The following CCDC181 variants were observed in gnomAD, a reference collection of about 807,000 sequenced individuals.
The protein encoded by CCDC181 is coiled-coil domain containing 181.
Under a neutral mutation model 58.7 loss-of-function variants are expected in CCDC181, and 35 were observed. The ratio of observed to expected loss-of-function variants is 0.60; its 90% CI spans 0.46 to 0.79. CCDC181 has a LOEUF of 0.79. CCDC181 is among the 30% of genes least tolerant of loss of function. The pLI, the probability that CCDC181 is intolerant of heterozygous loss-of-function variation, is 0.00. For synonymous variants in CCDC181, 183 were observed against 197.5 expected, an observed-to-expected ratio of 0.93 and a Z score of 0.62; for missense variants, 517 against 583.9, an observed-to-expected ratio of 0.89 and a Z score of 1.18.
upstream of CCDC181, among the ~76,000 whole-genome samples, chr1:169,428,676 G>A (rs1656813941): frequency 6.6e-6 from 1 of 152,032 alleles, no homozygotes; most frequent in Non-Finnish European, 1.5e-5. Context: ...TTGTTTTTGA[G>A]ACAGAGTCTC....
chr1:169,420,911 A>G (rs1656422981), intron 3 of CCDC181, among the ~76,000 whole-genome samples: 1 of 152,250 alleles, frequency 6.6e-6, no homozygotes, highest in Non-Finnish European at 1.5e-5. Flanking sequence ...CTGGAAATAA[A>G]AGAATTGTAA....
rs200027213 is a variant in CCDC181, at chr1:169,458,189, GT to G, written c.-24+1607del. Among the ~76,000 whole-genome samples, 169 of 74,472 alleles carry G rather than the reference GT, an allele frequency of 2.3e-3. 3 individuals carry two copies. The highest frequency in any genetic ancestry group is 6.9e-3 in the African/African-American group (159 of 23,068). 48.9% of individuals were successfully genotyped at this position (74,472 alleles called of 152,430 possible). On this transcript the variant is annotated intron_variant, in intron 2 of 6. Transcript: ENST00000545005. Reference sequence around the variant, plus strand: ...AAGTAATTTTTGTTTTTTTTTTTTTGTTTTGTTTTTTTTGCCATTTAAAAGT... The same window carrying G: ...AAGTAATTTTTGTTTTTTTTTTTTTGTTTGTTTTTTTTGCCATTTAAAAGT...
intron 4 of CCDC181, among the ~76,000 whole-genome samples, chr1:169,403,921 T>C (rs6660945): frequency 0.54 from 81,280 of 151,810 alleles, 22,593 homozygotes; most frequent in Non-Finnish European, 0.6. Context: ...CTACCAAGAC[T>C]AATAAAGAAG....
In CCDC181 at chr1:169,421,716, A is replaced by G; in HGVS notation, c.715T>C (p.Leu239=). Residue 239 remains leucine (L), a synonymous_variant, in exon 3 of 6, where the codon TTG becomes CTG. Coordinates refer to ENST00000367806, the MANE Select transcript of CCDC181 (RefSeq NM_001300969.2). ...NLQDIASQGF[L]PPINNANSTE... is the part of the protein sequence containing the mutation. ...CTATTTGCATTATTAATGGGAGGCA[A>G]AAACCCCTGACTGGCAATGTCTTGT... The G allele has an allele frequency of 6.2e-7, 1 of 1,614,064 alleles. No individual in the cohort carries two copies. The highest frequency in any genetic ancestry group is 1.1e-5 in the South Asian group (1 of 91,082).
intron 4 of CCDC181, among the ~76,000 whole-genome samples, chr1:169,399,955 AG>A (rs1277185690): frequency 1.3e-5 from 2 of 152,208 alleles, no homozygotes; most frequent in Admixed American, 1.3e-4. Flanking sequence ...TTTCCAGGGC[AG>A]GGTACTAGAA....
chr1:169,413,331 C>A (rs1296173003), intron 4 of CCDC181, among the ~76,000 whole-genome samples: 1 of 152,096 alleles, frequency 6.6e-6, no homozygotes, highest in Admixed American at 6.5e-5. Context: ...CCATCTCCCA[C>A]CAGTTAGAAT....
At chr1:169,424,974 T>C in intron 1 of CCDC181, 24 bp from the exon 2 acceptor site, 1 of 1,164,894 alleles carries the variant, frequency 8.6e-7, no homozygotes, top group South Asian at 1.3e-5. Context: ...AAAGATAAGG[T>C]ATATGTTATG....
In CCDC181 at chr1:169,394,921, AT is replaced by A; in HGVS notation, c.*125del. 1 of 876,768 alleles carries A rather than the reference AT, an allele frequency of 1.1e-6. No individual in the cohort carries two copies. The highest frequency in any genetic ancestry group is 1.6e-6 in the Non-Finnish European group (1 of 616,032). 54.3% of individuals were successfully genotyped at this position (876,768 alleles called of 1,614,324 possible). A position where few individuals can be genotyped will look rare whatever the true frequency, so the allele number is the denominator to read the frequency against. ...TTTTGTTCTAGTATTAAAAAAACAAATTCACTGTCAATAAAAGATAAATACC... is the reference window on the plus strand; with the variant it reads ...TTTTGTTCTAGTATTAAAAAAACAAATCACTGTCAATAAAAGATAAATACC... On this transcript the variant is annotated 3_prime_UTR_variant, in exon 6 of 6. Coordinates refer to ENST00000367806, the MANE Select transcript of CCDC181 (RefSeq NM_001300969.2).
rs1571450927 is a variant in CCDC181 at position 169,394,875 on chromosome 1, A to G, written c.*172T>C. 1.8e-6 allele frequency: 1 copy of G among 542,458 alleles called. No homozygotes were observed. Among genetic ancestry groups the G allele is most frequent in the East Asian group, 3.1e-5 (1 of 31,790 alleles). The allele number at this position is 542,458 out of a possible 1,614,324, so 33.6% of individuals were successfully genotyped here. A position where few individuals can be genotyped will look rare whatever the true frequency, so the allele number is the denominator to read the frequency against. The stretch of plus-strand genomic sequence containing the variant: ...CTAAGAGATGGCACAACACATTACA[A>G]CACTGTGAGAAAAAAATTTATTTTG... On this transcript the variant is annotated 3_prime_UTR_variant, in exon 6 of 6. Transcript: ENST00000367806.
chr1:169,454,239 G>C (rs1296288742), intron 2 of CCDC181, among the ~76,000 whole-genome samples: 1 of 151,862 alleles, frequency 6.6e-6, no homozygotes, highest in East Asian at 1.9e-4. Flanking sequence ...AATATATATA[G>C]GCAACATGGG....
At chr1:169,441,168 T>G (rs901470965) in intron 2 of CCDC181, among the ~76,000 whole-genome samples, 4 of 152,148 alleles carry the variant, frequency 2.6e-5, no homozygotes, top group African/African-American at 9.7e-5. Flanking sequence ...CACTTAGTAG[T>G]ATATATATTT....
At chr1:169,397,201 AAGG>A in intron 5 of CCDC181, 33 bp downstream of exon 5, 1 of 1,490,274 alleles carries the variant, frequency 6.7e-7, no homozygotes, top group Non-Finnish European at 8.9e-7. Context: ...GAACATGAGG[AAGG>A]AGGAGGGGGG....
chr1:169,411,435 T>C (rs559586103), intron 4 of CCDC181, among the ~76,000 whole-genome samples: 1 of 152,270 alleles, frequency 6.6e-6, no homozygotes, highest in East Asian at 1.9e-4. Context: ...CCAGACAGAT[T>C]CACAGCTGAA....
rs1657607279 is a variant in CCDC181 at position 169,453,628 on chromosome 1, A to G, written c.-24+6169T>C. ...TCTCATCTTGGAAATATTGCCCCCA[A>G]GTTCACTTTTATTTTCGTTTTTGCT... On this transcript the variant is annotated intron_variant, in intron 2 of 6. Coordinates refer to the CCDC181 transcript ENST00000545005. Among the ~76,000 whole-genome samples, 3 of 151,858 alleles carry G rather than the reference A, an allele frequency of 2.0e-5. No individual in the cohort carries two copies. The South Asian group carries it at 6.2e-4, about 32-fold the overall frequency.
chr1:169,403,836 C>A (rs1557860534), intron 4 of CCDC181, among the ~76,000 whole-genome samples: 1 of 151,984 alleles, frequency 6.6e-6, no homozygotes, highest in African/African-American at 2.4e-5. Flanking sequence ...GAGATAGAGA[C>A]AAAAGAAACC....
intron 4 of CCDC181, among the ~76,000 whole-genome samples, chr1:169,410,814 G>A (rs529974611): frequency 3.4e-4 from 52 of 152,026 alleles, no homozygotes; most frequent in Non-Finnish European, 7.1e-4. Context: ...CGAAATTAAG[G>A]GAGAAATAAA....
chr1:169,430,504 C>T (rs1157418514), upstream of CCDC181, among the ~76,000 whole-genome samples: 1 of 152,074 alleles, frequency 6.6e-6, no homozygotes. Context: ...AGAGATCTTT[C>T]ACCTCCTTGG....
chr1:169,395,875 GTTGT>G (rs1654996641), intron 5 of CCDC181: 2 of 114,858 alleles, frequency 1.7e-5, no homozygotes, highest in Admixed American at 1.9e-4. Context: ...ACCTGGTTTT[GTTGT>G]TTTTTTTTTT....
At position 169,422,012 on chromosome 1, in the gene CCDC181, T is replaced by C; in HGVS notation, c.419A>G (p.Asn140Ser). The C allele has an allele frequency of 6.2e-7, 1 of 1,614,112 alleles. No homozygotes were observed. Reference sequence around the variant, plus strand: ...CCTTTTATCATTCACCGGTTCTTGATTCTGTAGAAGCTTGTTAGCTTGTAC... The same window carrying C: ...CCTTTTATCATTCACCGGTTCTTGACTCTGTAGAAGCTTGTTAGCTTGTAC... ...KIVQANKLLQ[N>S]QEPVNDKRER... The change falls in exon 3 of 6, where the codon AAT becomes AGT. Residue 140 changes from asparagine (N) to serine (S), a missense_variant. Transcript: ENST00000367806.
Sources: gnomAD v4.1 joint callset for allele counts (sites outside exome capture counted in the v4.1 genomes callset) on GRCh38, gnomAD v4.1.1 for gene constraint, MANE v1.5 for transcripts, NCBI Gene and HGNC (gene_info 2026-07-23, HGNC 2026-07-21) for gene names.